Variants in IL6R observed in about 807,000 individuals in gnomAD.
IL6R encodes interleukin-6 receptor subunit alpha.
Under a neutral mutation model 48.3 loss-of-function variants are expected in IL6R, and 38 were observed. That is an observed-to-expected ratio of 0.79 (90% CI 0.61 to 1.03). IL6R has a LOEUF of 1.03. Ranked by LOEUF, IL6R falls within the 50% of genes least tolerant of loss-of-function variation. The pLI, the probability that IL6R is intolerant of heterozygous loss-of-function variation, is 0.00. For missense variants in IL6R, 534 were observed against 618.3 expected (o/e 0.86, Z 1.45); for synonymous variants, 264 against 256.2 (o/e 1.03, Z -0.29).
At position 154,433,627 on chromosome 1, in the gene IL6R, C is replaced by T. The variant is rs377755998; in HGVS notation, c.459-892C>T. Among the ~76,000 whole-genome samples the T allele has an allele frequency of 2.6e-5, 4 of 152,184 alleles. No homozygotes were observed. The East Asian group carries it at 7.7e-4, about 29-fold the overall frequency. On this transcript the variant is annotated intron_variant, in intron 3 of 9. Transcript: ENST00000368485. ...TTGCCTGAGTGACTAGCTGAGCCCT[C>T]CAGCCTAGCTCCCCTCACCCCTCGT... is the stretch of plus-strand genomic sequence containing the variant.
rs1307922193 is a variant in IL6R at position 154,457,967 on chromosome 1, C to CT, written c.1160+3403dup. Among the ~76,000 whole-genome samples the CT allele has an allele frequency of 1.5e-3, 137 of 91,692 alleles. 1 individual carries two copies. Among genetic ancestry groups the CT allele is most frequent in the Middle Eastern group, 0.012 (2 of 162 alleles). 60.2% of individuals were successfully genotyped at this position (91,692 alleles called of 152,430 possible). A position where few individuals can be genotyped will look rare whatever the true frequency, so the allele number is the denominator to read the frequency against. ...TTTTTTTCTTTTTCTTTTTCTTTTT[C>CT]TTTTTTTTTTTTTTTTTGAGACGGA... On this transcript the variant is annotated intron_variant, in intron 9 of 9. Coordinates refer to ENST00000368485, the MANE Select transcript of IL6R (RefSeq NM_000565.4).
At chr1:154,429,137 G>A in intron 1 of IL6R, 59 bp from the exon 2 acceptor site, 1 of 1,568,094 alleles carries the variant, frequency 6.4e-7, no homozygotes, top group East Asian at 2.3e-5. Context: ...CCTCAGACCA[G>A]AACGAAGCCC....
chr1:154,437,748 C>G (rs1243190238), intron 6 of IL6R, among the ~76,000 whole-genome samples: 1 of 151,096 alleles, frequency 6.6e-6, no homozygotes, highest in Non-Finnish European at 1.5e-5. Context: ...GAATCTCGCT[C>G]TGTTGCCCAG....
chr1:154,434,170 TAA>T (rs1402935936), intron 3 of IL6R, among the ~76,000 whole-genome samples: 10 of 151,554 alleles, frequency 6.6e-5, no homozygotes, highest in Non-Finnish European at 8.8e-5. Context: ...CCATCTCTAT[TAA>T]AAATACAAAA....
rs1558323465 is a variant in IL6R at position 154,447,460 on chromosome 1, T to TACACAC, written c.950-664_950-663insCACACA. 2.8e-4 allele frequency among the ~76,000 whole-genome samples: 22 copies of TACACAC among 78,264 alleles called. 1 individual carries two copies. The highest frequency in any genetic ancestry group is 1.7e-3 in the African/African-American group (22 of 12,710). 51.3% of individuals were successfully genotyped at this position (78,264 alleles called of 152,430 possible). Reference sequence around the variant, plus strand: ...TCTCAAAAAAAAAAAAAAAAATATATATATATATATATATATACACACACA... The same window carrying TACACAC: ...TCTCAAAAAAAAAAAAAAAAATATATACACACATATATATATATATATACACACACA... On this transcript the variant is annotated intron_variant, in intron 6 of 9. Coordinates refer to ENST00000368485, the MANE Select transcript of IL6R (RefSeq NM_000565.4).
At chr1:154,437,245 T>C (rs1195759988) in intron 6 of IL6R, among the ~76,000 whole-genome samples, 1 of 152,078 alleles carries the variant, frequency 6.6e-6, no homozygotes, top group Non-Finnish European at 1.5e-5. Flanking sequence ...TACAGGCACC[T>C]GCCACCACGC....
At chr1:154,455,435 C>A (rs913610355) in intron 9 of IL6R, among the ~76,000 whole-genome samples, 2 of 148,880 alleles carry the variant, frequency 1.3e-5, no homozygotes, top group African/African-American at 5.0e-5. Context: ...TTTTCTTTTT[C>A]TTTCTCTTTC....
intron 6 of IL6R, among the ~76,000 whole-genome samples, chr1:154,439,072 G>A (rs1180198482): frequency 6.6e-6 from 1 of 152,074 alleles, no homozygotes; most frequent in East Asian, 1.9e-4. Context: ...TGAATGCTGA[G>A]CATCAGTATG....
In IL6R at chr1:154,465,302, G is replaced by A. The variant is rs755384864; in HGVS notation, c.1329G>A (p.Ser443=). The change falls in exon 10 of 10, where the codon TCG becomes TCA. Residue 443 remains serine, a synonymous_variant. Transcript: ENST00000368485. ...SPSSLGSDNT[S]SHNRPDARDP... is the part of the protein sequence containing the mutation. ...GCAGCCTGGGGTCTGACAATACCTCGAGCCACAACCGACCAGATGCCAGGG... is the reference window on the plus strand; with the variant it reads ...GCAGCCTGGGGTCTGACAATACCTCAAGCCACAACCGACCAGATGCCAGGG... The A allele has an allele frequency of 3.7e-6, 6 of 1,613,992 alleles. No individual in the cohort carries two copies. The highest frequency in any genetic ancestry group is 1.3e-5 in the African/African-American group (1 of 74,894).
At chr1:154,447,518 CAT>C (rs1204549200) in intron 6 of IL6R, among the ~76,000 whole-genome samples, 1 of 136,392 alleles carries the variant, frequency 7.3e-6, no homozygotes, top group African/African-American at 2.8e-5. Context: ...TATATACACA[CAT>C]ACATATATAT....
At chr1:154,437,979 G>A (rs1011704150) in intron 6 of IL6R, among the ~76,000 whole-genome samples, 9 of 151,864 alleles carry the variant, frequency 5.9e-5, no homozygotes, top group Non-Finnish European at 1.3e-4. Flanking sequence ...CTCCCAAAAT[G>A]CTGGGATTAC....
At chr1:154,451,988 C>T (rs944546908) in intron 8 of IL6R, among the ~76,000 whole-genome samples, 3 of 152,156 alleles carry the variant, frequency 2.0e-5, no homozygotes, top group Non-Finnish European at 4.4e-5. Context: ...CCCTACTCCT[C>T]ATCCTGTGTC....
intron 9 of IL6R, among the ~76,000 whole-genome samples, chr1:154,463,380 G>GT (rs1452639486): frequency 6.6e-6 from 1 of 152,182 alleles, no homozygotes; most frequent in Non-Finnish European, 1.5e-5. Flanking sequence ...TCTGCAGATT[G>GT]TTTATTTCAT....
chr1:154,413,285 C>A (rs1688140044), intron 1 of IL6R, among the ~76,000 whole-genome samples: 1 of 152,236 alleles, frequency 6.6e-6, no homozygotes, highest in South Asian at 2.1e-4. Flanking sequence ...CAGGCATGGG[C>A]CACTGTGTCC....
chr1:154,444,927 C>G, intron 6 of IL6R: 1 of 387,286 alleles, frequency 2.6e-6, no homozygotes, highest in Admixed American at 3.0e-5. Context: ...TCCTTAACTG[C>G]CCCCCACACC....
intron 1 of IL6R, among the ~76,000 whole-genome samples, chr1:154,428,753 C>A (rs542682927): frequency 6.6e-6 from 1 of 152,024 alleles, no homozygotes; most frequent in Non-Finnish European, 1.5e-5. Context: ...ATGTTTAGGC[C>A]GAGACCTGGA....
chr1:154,465,597 G>C lies in IL6R; in HGVS notation c.*217G>C, dbSNP rs749223780. 11 of 594,868 alleles carry C rather than the reference G, an allele frequency of 1.8e-5. No homozygotes were observed. The highest frequency in any genetic ancestry group is 3.0e-5 in the Admixed American group (1 of 33,584). The allele number at this position is 594,868 out of a possible 1,614,324, so 36.8% of individuals were successfully genotyped here. A position where few individuals can be genotyped will look rare whatever the true frequency, so the allele number is the denominator to read the frequency against. ...TCAAACCTCCCTTTCCAAATGCCCA[G>C]CTTAAAGGGGCTAGAGTGAACTTGG... On this transcript the variant is annotated 3_prime_UTR_variant, in exon 10 of 10. Transcript: ENST00000368485.
In IL6R at chr1:154,465,510, T is replaced by C; in HGVS notation, c.*130T>C. The C allele has an allele frequency of 9.5e-7, 1 of 1,055,184 alleles. No homozygotes were observed. Among genetic ancestry groups the C allele is most frequent in the Non-Finnish European group, 1.4e-6 (1 of 714,596 alleles). The allele number at this position is 1,055,184 out of a possible 1,614,324, so 65.4% of individuals were successfully genotyped here. A position where few individuals can be genotyped will look rare whatever the true frequency, so the allele number is the denominator to read the frequency against. ...CGGCCTTTGGCTTCACGGAAGAGCC[T>C]TGCGGAAGGTTCTACGCCAGGGGAA... On this transcript the variant is annotated 3_prime_UTR_variant, in exon 10 of 10. Coordinates refer to ENST00000368485, the MANE Select transcript of IL6R (RefSeq NM_000565.4).
At chr1:154,422,021 A>G (rs1336143842) in intron 1 of IL6R, among the ~76,000 whole-genome samples, 1 of 151,772 alleles carries the variant, frequency 6.6e-6, no homozygotes, top group East Asian at 1.9e-4. Context: ...ATCTCAGTTC[A>G]CTGCAATCTC....
Sources: allele counts gnomAD v4.1 joint callset (sites outside exome capture counted in the v4.1 genomes callset), GRCh38; gene constraint gnomAD v4.1.1; transcripts MANE v1.5; gene names NCBI Gene and HGNC (gene_info 2026-07-23, HGNC 2026-07-21).